Variants in GPR37 observed in about 807,000 individuals in gnomAD.
GPR37 encodes prosaposin receptor GPR37.
Under a neutral mutation model 43.6 loss-of-function variants are expected in GPR37, and 20 were observed. That is an observed-to-expected ratio of 0.46 (90% CI 0.32 to 0.67). The LOEUF (loss-of-function observed/expected upper bound fraction) is 0.67, where lower values mean the gene tolerates loss of function less well. GPR37 is among the 30% of genes least tolerant of loss of function. The probability of loss-of-function intolerance (pLI) is 0.03; values close to 1 mark genes in which losing one functional copy is unlikely to be tolerated. For synonymous variants in GPR37, 315 were observed against 322.6 expected, an observed-to-expected ratio of 0.98 and a Z score of 0.25; for missense variants, 724 against 797.2, an observed-to-expected ratio of 0.91 and a Z score of 1.11.
rs1793664981 is a variant in GPR37 at position 124,745,887 on chromosome 7, A to C, written c.*638T>G. On this transcript the variant is annotated 3_prime_UTR_variant, in exon 2 of 2. Transcript: ENST00000303921. ...ACATAGTTTTATGAATCATGCATATAAAATACTGCTATTAGAAAAACTTCT... is the reference window on the plus strand; with the variant it reads ...ACATAGTTTTATGAATCATGCATATCAAATACTGCTATTAGAAAAACTTCT... The C allele has an allele frequency of 6.6e-6, 1 of 152,222 alleles. No homozygotes were observed. 9.4% of individuals were successfully genotyped at this position (152,222 alleles called of 1,614,324 possible). A position where few individuals can be genotyped will look rare whatever the true frequency, so the allele number is the denominator to read the frequency against.
chr7:124,762,782 T>G (rs1336028128), intron 1 of GPR37, among the ~76,000 whole-genome samples: 1 of 152,232 alleles, frequency 6.6e-6, no homozygotes, highest in Non-Finnish European at 1.5e-5. Flanking sequence ...AAGTAGGTAC[T>G]GTTTTCTGTT....
intron 1 of GPR37, among the ~76,000 whole-genome samples, chr7:124,757,959 G>T (rs1793809723): frequency 1.3e-5 from 2 of 152,134 alleles, no homozygotes; most frequent in African/African-American, 2.4e-5. Flanking sequence ...TATTCAAATT[G>T]TTCTTTAATC....
At chr7:124,755,276 T>A (rs552186035) in intron 1 of GPR37, among the ~76,000 whole-genome samples, 2 of 152,252 alleles carry the variant, frequency 1.3e-5, no homozygotes, top group South Asian at 4.1e-4. Context: ...ATTTCTAATA[T>A]ACTCAGACTA....
At chr7:124,748,078 G>A (rs1339705170) in intron 1 of GPR37, among the ~76,000 whole-genome samples, 1 of 152,128 alleles carries the variant, frequency 6.6e-6, no homozygotes, top group African/African-American at 2.4e-5. Flanking sequence ...AATGGGGCAA[G>A]GTGCCCAGGT....
rs777560990 is a variant in GPR37 at position 124,764,459 on chromosome 7, A to T, written c.518T>A (p.Val173Asp). 1.4e-5 allele frequency: 22 copies of T among 1,613,416 alleles called. No homozygotes were observed. The East Asian group carries it at 4.9e-4, about 36-fold the overall frequency. Reference protein sequence around the residue: ...GRSQEQSVKTVPGASDLFYWP... With the variant: ...GRSQEQSVKTDPGASDLFYWP... Reference sequence around the variant, plus strand: ...GTAAAAAAGATCGCTGGCTCCGGGGACTGTCTTCACACTCTGCTCCTGGCT... The same window carrying T: ...GTAAAAAAGATCGCTGGCTCCGGGGTCTGTCTTCACACTCTGCTCCTGGCT... Residue 173 changes from valine to aspartate, a missense_variant, in exon 1 of 2, where the codon GTC becomes GAC. By Grantham distance (152) the Val-to-Asp change is radical (BLOSUM62 -3). Coordinates refer to ENST00000303921, the MANE Select transcript of GPR37 (RefSeq NM_005302.5). The surrounding 1 kb of genome is among the most constrained non-coding windows in gnomAD (Gnocchi z 5.4).
At chr7:124,759,622 G>A (rs969476449) in intron 1 of GPR37, among the ~76,000 whole-genome samples, 5 of 151,894 alleles carry the variant, frequency 3.3e-5, no homozygotes, top group African/African-American at 1.2e-4. Context: ...TCTCCTATCT[G>A]GCATTTCCTA....
Position 124,745,898 on chromosome 7 carries a change from A to AT in GPR37, c.*626dup, listed in dbSNP as rs1249481211. ...TGAATCATGCATATAAAATACTGCTATTAGAAAAACTTCTTTATAACATAA... is the reference window on the plus strand; with the variant it reads ...TGAATCATGCATATAAAATACTGCTATTTAGAAAAACTTCTTTATAACATAA... On this transcript the variant is annotated 3_prime_UTR_variant, in exon 2 of 2. Coordinates refer to ENST00000303921, the MANE Select transcript of GPR37 (RefSeq NM_005302.5). 6.6e-6 allele frequency: 1 copy of AT among 152,222 alleles called. No homozygotes were observed. Among genetic ancestry groups the AT allele is most frequent in the African/African-American group, 2.4e-5 (1 of 41,466 alleles). The allele number at this position is 152,222 out of a possible 1,614,324, so 9.4% of individuals were successfully genotyped here. A position where few individuals can be genotyped will look rare whatever the true frequency, so the allele number is the denominator to read the frequency against.
Position 124,764,963 on chromosome 7 carries a change from C to G in GPR37, c.14G>C (p.Gly5Ala). Residue 5 changes from glycine (G) to alanine (A), a missense_variant, in exon 1 of 2, where the codon GGC becomes GCC. Physicochemically the swap from Gly to Ala is moderately conservative, Grantham distance 60. Coordinates refer to ENST00000303921, the MANE Select transcript of GPR37 (RefSeq NM_005302.5). The surrounding 1 kb of genome is among the most constrained non-coding windows in gnomAD (Gnocchi z 5.4). MRAP[G>A]ALLARMSRLL... ...CCGCGACATGCGGGCGAGAAGCGCG[C>G]CCGGGGCTCGCATGGCTTGGTGAGG... The G allele has an allele frequency of 1.3e-6, 2 of 1,489,644 alleles. No individual in the cohort carries two copies. Among genetic ancestry groups the G allele is most frequent in the Non-Finnish European group, 1.8e-6 (2 of 1,123,302 alleles). 92.3% of individuals were successfully genotyped at this position (1,489,644 alleles called of 1,614,324 possible).
At chr7:124,756,857 G>A (rs1483490366) in intron 1 of GPR37, among the ~76,000 whole-genome samples, 2 of 152,162 alleles carry the variant, frequency 1.3e-5, no homozygotes, top group African/African-American at 4.8e-5. Context: ...CATTAAAGGT[G>A]TAAAAATTGT....
At chr7:124,754,409 A>C (rs1793769039) in intron 1 of GPR37, among the ~76,000 whole-genome samples, 1 of 152,188 alleles carries the variant, frequency 6.6e-6, no homozygotes, top group African/African-American at 2.4e-5. Context: ...TGAAGTAGAC[A>C]ACACAGAGCC....
intron 1 of GPR37, among the ~76,000 whole-genome samples, chr7:124,758,357 A>G (rs1186330013): frequency 6.6e-6 from 1 of 152,240 alleles, no homozygotes; most frequent in African/African-American, 2.4e-5. Flanking sequence ...GTTCAGCACC[A>G]TTCTCATATA....
At chr7:124,757,408 C>G (rs1357779447) in intron 1 of GPR37, among the ~76,000 whole-genome samples, 1 of 152,138 alleles carries the variant, frequency 6.6e-6, no homozygotes, top group African/African-American at 2.4e-5. Flanking sequence ...TAGAACTGAA[C>G]TATTTGCTGA....
chr7:124,760,958 C>T (rs998193506), intron 1 of GPR37, among the ~76,000 whole-genome samples: 1 of 152,038 alleles, frequency 6.6e-6, no homozygotes, highest in African/African-American at 2.4e-5. Flanking sequence ...GAGATCAAGA[C>T]CATCCTGGCC....
chr7:124,761,700 T>C (rs567785561), intron 1 of GPR37, among the ~76,000 whole-genome samples: 10 of 152,324 alleles, frequency 6.6e-5, no homozygotes, highest in African/African-American at 2.4e-4. Context: ...CAGTGCCTCC[T>C]GGAGACACAC....
At chr7:124,753,638 ACAGAAAGAAAC>A (rs1462153731) in intron 1 of GPR37, among the ~76,000 whole-genome samples, 1 of 152,090 alleles carries the variant, frequency 6.6e-6, no homozygotes, top group Non-Finnish European at 1.5e-5. Flanking sequence ...AAATTTTGTT[ACAGAAAGAAAC>A]CAACAAAAAA....
intron 1 of GPR37, among the ~76,000 whole-genome samples, chr7:124,752,342 G>A (rs542959835): frequency 6.6e-6 from 1 of 152,260 alleles, no homozygotes; most frequent in South Asian, 2.1e-4. Context: ...TACTGTAGCT[G>A]CTGCTGGGAA....
chr7:124,753,350 C>T (rs939204287), intron 1 of GPR37, among the ~76,000 whole-genome samples: 5 of 151,982 alleles, frequency 3.3e-5, no homozygotes, highest in African/African-American at 7.2e-5. Context: ...AGTTAAGATG[C>T]AATTGGCTCA....
chr7:124,761,182 G>A (rs1046356441), intron 1 of GPR37, among the ~76,000 whole-genome samples: 1 of 145,832 alleles, frequency 6.9e-6, no homozygotes, highest in Non-Finnish European at 1.5e-5. Flanking sequence ...AAAAGCTACT[G>A]TAGTGGATGC....
At chr7:124,761,058 C>G (rs1323345391) in intron 1 of GPR37, among the ~76,000 whole-genome samples, 1 of 149,108 alleles carries the variant, frequency 6.7e-6, no homozygotes, top group African/African-American at 2.5e-5. Flanking sequence ...ACTTGGGAGG[C>G]TGAGGCAGAA....
Sources: allele counts gnomAD v4.1 joint callset (sites outside exome capture counted in the v4.1 genomes callset), GRCh38; gene constraint gnomAD v4.1.1; non-coding constraint Gnocchi (gnomAD v3.1); transcripts MANE v1.5; gene names NCBI Gene and HGNC (gene_info 2026-07-23, HGNC 2026-07-21).